The following VPS13B variants were observed in gnomAD, a reference collection of about 807,000 sequenced individuals.
VPS13B encodes the protein vacuolar protein sorting 13 homolog B, also known as intermembrane lipid transfer protein VPS13B.
VPS13B carries 285 observed loss-of-function variants against 426.4 expected under a neutral mutation model. That is an observed-to-expected ratio of 0.67 (90% CI 0.61 to 0.74). The LOEUF (loss-of-function observed/expected upper bound fraction) is 0.74. VPS13B is among the 30% of genes least tolerant of loss of function. The pLI is 0.00. For missense variants in VPS13B, 4,537 were observed against 4,782.6 expected (o/e 0.95, Z 1.51); for synonymous variants, 1,676 against 1,676.4 (o/e 1.00, Z 0.01).
chr8:99,302,834 C>T (rs1327321930), intron 19 of VPS13B, among the ~76,000 whole-genome samples: 1 of 151,502 alleles, frequency 6.6e-6, no homozygotes, highest in Non-Finnish European at 1.5e-5. Context: ...AAGTAAAAAA[C>T]AGAATGGCTC....
intron 35 of VPS13B, among the ~76,000 whole-genome samples, chr8:99,665,324 T>C (rs1290211386): frequency 6.6e-6 from 1 of 152,158 alleles, no homozygotes; most frequent in African/African-American, 2.4e-5. Flanking sequence ...TTAGTTTAAT[T>C]AGATCCCATT....
At chr8:99,156,890 ATAAAT>A (rs1232669527) in intron 15 of VPS13B, 147 bp downstream of exon 15, 2 of 665,380 alleles carry the variant, frequency 3.0e-6, no homozygotes, top group East Asian at 3.0e-5. Context: ...ATTTATTCCA[ATAAAT>A]TAAAGTAAGT....
chr8:99,332,231 A>G (rs1810580545), intron 19 of VPS13B, among the ~76,000 whole-genome samples: 1 of 151,624 alleles, frequency 6.6e-6, no homozygotes, highest in African/African-American at 2.4e-5. Flanking sequence ...ACTGTGACTT[A>G]GGTTTTTTCA....
intron 19 of VPS13B, among the ~76,000 whole-genome samples, chr8:99,370,894 C>T (rs1257459214): frequency 6.6e-6 from 1 of 151,778 alleles, no homozygotes; most frequent in Non-Finnish European, 1.5e-5. Flanking sequence ...ACAGATGTGA[C>T]CTGCTGTGCC....
chr8:99,650,657 C>T (rs1283897349), intron 34 of VPS13B, among the ~76,000 whole-genome samples: 3 of 151,988 alleles, frequency 2.0e-5, no homozygotes, highest in African/African-American at 7.2e-5. Context: ...TAATAAATAA[C>T]AAAATAATAC....
chr8:99,143,232 G>A, intron 13 of VPS13B, 67 bp downstream of exon 13: 1 of 1,599,656 alleles, frequency 6.3e-7, no homozygotes. Context: ...AATCCAATTT[G>A]TGTTGTCTTG....
chr8:99,520,389 T>TG (rs1822314348), intron 29 of VPS13B, among the ~76,000 whole-genome samples: 6 of 138,496 alleles, frequency 4.3e-5, no homozygotes, highest in Non-Finnish European at 7.8e-5. Context: ...GTGATATACT[T>TG]TGTGTGTGTG....
intron 33 of VPS13B, among the ~76,000 whole-genome samples, chr8:99,624,011 T>TTTG (rs1563830605): frequency 1.3e-5 from 1 of 77,122 alleles, no homozygotes; most frequent in Non-Finnish European, 2.6e-5. Context: ...ATATATATTT[T>TTTG]TTTTTTTTTT....
At chr8:99,810,922 C>G (rs1017672672) in intron 44 of VPS13B, among the ~76,000 whole-genome samples, 6 of 152,138 alleles carry the variant, frequency 3.9e-5, no homozygotes, top group Non-Finnish European at 7.3e-5. Flanking sequence ...AGGATTCCTG[C>G]AGGGACCGGC....
At chr8:99,205,010 T>C (rs1188831020) in intron 17 of VPS13B, among the ~76,000 whole-genome samples, 1 of 152,244 alleles carries the variant, frequency 6.6e-6, no homozygotes, top group African/African-American at 2.4e-5. Flanking sequence ...ACTGGGTATA[T>C]ACCCAAAGGA....
At chr8:99,276,829 C>A (rs774521207) in intron 19 of VPS13B, among the ~76,000 whole-genome samples, 1 of 152,022 alleles carries the variant, frequency 6.6e-6, no homozygotes. Context: ...AATGACCAGA[C>A]CATTCAGTTA....
chr8:99,867,572 C>T (rs1188412902), intron 58 of VPS13B, among the ~76,000 whole-genome samples: 1 of 152,136 alleles, frequency 6.6e-6, no homozygotes, highest in Admixed American at 6.5e-5. Flanking sequence ...AAGAGCTATG[C>T]TGTGACTCAA....
intron 17 of VPS13B, among the ~76,000 whole-genome samples, chr8:99,221,631 C>T (rs1201238106): frequency 2.6e-5 from 4 of 152,118 alleles, no homozygotes; most frequent in Non-Finnish European, 2.9e-5. Flanking sequence ...GCGGACACAC[C>T]GTGTTCTCAG....
chr8:99,556,525 G>C lies in VPS13B; in HGVS notation c.4821G>C (p.Gln1607His), dbSNP rs757495847. The change falls in exon 31 of 62, where the codon CAG (glutamine) becomes CAC (histidine). Residue 1607 changes from glutamine (Q) to histidine (H), a missense_variant. Gln to His is a conservative substitution (Grantham distance 24, BLOSUM62 0). This residue lies in a region of VPS13B where 4,311 missense variants were observed against 4,474.3 expected (regional missense o/e 0.96). Transcript: ENST00000357162. The part of the protein sequence containing the change: ...IEDRQYQIDL[Q>H]SINIGTAQWH... ...ACAGACAATACCAAATAGATCTGCA[G>C]TCCATCAATATTGGTACTGCACAGT... The C allele has an allele frequency of 6.2e-7, 1 of 1,613,284 alleles. No individual in the cohort carries two copies. The highest frequency in any genetic ancestry group is 1.1e-5 in the South Asian group (1 of 91,070).
chr8:99,650,396 CCTT>C (rs1829759941), intron 34 of VPS13B, among the ~76,000 whole-genome samples: 1 of 152,040 alleles, frequency 6.6e-6, no homozygotes, highest in South Asian at 2.1e-4. Flanking sequence ...GATTCATTGC[CCTT>C]CTTGTCAACC....
intron 19 of VPS13B, among the ~76,000 whole-genome samples, chr8:99,297,367 C>G (rs930818499): frequency 2.6e-5 from 4 of 151,330 alleles, no homozygotes; most frequent in Admixed American, 6.6e-5. Context: ...AGTATTAATC[C>G]TTGTAATCAC....
In VPS13B at chr8:99,871,442, A is replaced by G. The variant is rs2130975190; in HGVS notation, c.11496-6A>G. The G allele has an allele frequency of 1.2e-6, 2 of 1,614,116 alleles. No individual in the cohort carries two copies. The highest frequency in any genetic ancestry group is 4.5e-5 in the East Asian group (2 of 44,880). On this transcript the variant is annotated splice_polypyrimidine_tract_variant and splice_region_variant and intron_variant, in intron 60 of 61. Coordinates refer to ENST00000357162, the MANE Select transcript of VPS13B (RefSeq NM_152564.5). ...CCCCTGGCCTCACTTTTCTCCTTTT[A>G]AACAGGAAAATGCTTCAGTCTCTGG...
chr8:99,794,529 C>G (rs747465145), intron 43 of VPS13B, among the ~76,000 whole-genome samples: 5 of 152,168 alleles, frequency 3.3e-5, no homozygotes, highest in African/African-American at 1.2e-4. Context: ...AATAGCTCCC[C>G]GTTGCTCGTG....
chr8:99,698,537 A>G (rs576801626), intron 35 of VPS13B, among the ~76,000 whole-genome samples: 134 of 152,306 alleles, frequency 8.8e-4, no homozygotes, highest in African/African-American at 3.1e-3. Context: ...AAATAATATT[A>G]CATATGATTT....
Sources: gnomAD v4.1 joint callset for allele counts (sites outside exome capture counted in the v4.1 genomes callset) on GRCh38, gnomAD v4.1.1 for gene constraint, gnomAD v4.1.1 regional missense constraint, MANE v1.5 for transcripts, NCBI Gene and HGNC (gene_info 2026-07-23, HGNC 2026-07-21) for gene names.